Variants in ERICH3 observed in about 807,000 individuals in gnomAD.
ERICH3 encodes glutamate rich 3, also known as glutamate-rich protein 3.
In ERICH3, 126 loss-of-function variants were observed where a neutral mutation model predicts 131.1. The ratio of observed to expected loss-of-function variants is 0.96; its 90% CI spans 0.83 to 1.11. The LOEUF is 1.11. Among genes scored for constraint, ERICH3 ranks in the 50% most tolerant of loss-of-function variants. The pLI is 0.00. For missense variants in ERICH3, 2,050 were observed against 1,810.7 expected (o/e 1.13, Z -2.40); for synonymous variants, 695 against 644.6 (o/e 1.08, Z -1.18).
chr1:74,588,782 A>G (rs1476123935), intron 12 of ERICH3, among the ~76,000 whole-genome samples: 1 of 152,068 alleles, frequency 6.6e-6, no homozygotes, highest in Non-Finnish European at 1.5e-5. Context: ...TCAACTTGAG[A>G]AAAGCATCAG....
intron 8 of ERICH3, among the ~76,000 whole-genome samples, chr1:74,614,554 G>A (rs950272463): frequency 1.3e-5 from 2 of 151,390 alleles, no homozygotes; most frequent in African/African-American, 4.9e-5. Flanking sequence ...GCGGGCACCT[G>A]TATTCCCAGC....
intron 1 of ERICH3, among the ~76,000 whole-genome samples, chr1:74,656,687 C>T (rs1250886973): frequency 6.6e-6 from 1 of 152,154 alleles, no homozygotes; most frequent in Non-Finnish European, 1.5e-5. Flanking sequence ...TAGAAATTCA[C>T]ATGTGAAAAT....
intron 7 of ERICH3, chr1:74,626,110 TC>T (rs1461749936): frequency 1.3e-5 from 2 of 152,220 alleles, no homozygotes; most frequent in Non-Finnish European, 2.9e-5. Context: ...TTCATGTTTC[TC>T]TTTATCTTTT....
At position 74,589,801 on chromosome 1, in the gene ERICH3, AG is replaced by A; in HGVS notation, c.2005del (p.Glu671LysfsTer42). On this transcript the variant is annotated frameshift_variant, in exon 12 of 15. Coordinates refer to ENST00000326665, the MANE Select transcript of ERICH3 (RefSeq NM_001002912.5). LOFTEE classifies it high-confidence loss of function. ...MPIDESFENV[L>X]KEGTEKGTQE... ...GGTTCCTTTCTCCGTTCCTTCTTTAAGAACATTCTCAAAGCTTTCGTCTATT... is the reference window on the plus strand; with the variant it reads ...GGTTCCTTTCTCCGTTCCTTCTTTAAAACATTCTCAAAGCTTTCGTCTATT... 6.2e-7 allele frequency: 1 copy of A among 1,614,116 alleles called. No homozygotes were observed. Among genetic ancestry groups the A allele is most frequent in the Non-Finnish European group, 8.5e-7 (1 of 1,179,984 alleles).
intron 7 of ERICH3, 21 bp downstream of exon 7, chr1:74,631,692 A>T: frequency 6.3e-7 from 1 of 1,578,038 alleles, no homozygotes; most frequent in African/African-American, 1.3e-5. Flanking sequence ...TTAATAAAAG[A>T]AAAATTTGTT....
intron 1 of ERICH3, among the ~76,000 whole-genome samples, chr1:74,659,763 G>A (rs1274604746): frequency 6.6e-6 from 1 of 152,116 alleles, no homozygotes; most frequent in African/African-American, 2.4e-5. Flanking sequence ...TACAAGAAGG[G>A]TATCCAAGAA....
intron 12 of ERICH3, among the ~76,000 whole-genome samples, chr1:74,577,788 G>GA (rs956742899): frequency 1.3e-5 from 2 of 151,976 alleles, no homozygotes; most frequent in Non-Finnish European, 2.9e-5. Context: ...TGAAATAATT[G>GA]AAAAAAACAG....
chr1:74,629,757 G>A (rs1570890715), intron 7 of ERICH3, among the ~76,000 whole-genome samples: 1 of 152,254 alleles, frequency 6.6e-6, no homozygotes, highest in East Asian at 1.9e-4. Context: ...GTGACCCAAA[G>A]ATTCTATTCA....
intron 1 of ERICH3, among the ~76,000 whole-genome samples, chr1:74,670,434 TCA>T (rs1646730518): frequency 6.6e-6 from 1 of 152,160 alleles, no homozygotes; most frequent in African/African-American, 2.4e-5. Flanking sequence ...TAGAAACTTC[TCA>T]GTCCTTGTTG....
At position 74,651,962 on chromosome 1, in the gene ERICH3, C is replaced by T. The variant is rs145717702; in HGVS notation, c.24-2647G>A. ...AATGTGTGCACGATGCCTGTCCAGG[C>T]TTACAAATCGTCAAGCAGGTCCAGT... On this transcript the variant is annotated intron_variant, in intron 1 of 14. Coordinates refer to ENST00000326665, the MANE Select transcript of ERICH3 (RefSeq NM_001002912.5). Among the ~76,000 whole-genome samples the T allele has an allele frequency of 3.3e-5, 5 of 152,238 alleles. No individual in the cohort carries two copies. The East Asian group carries it at 9.7e-4, about 29-fold the overall frequency.
At chr1:74,600,879 G>A (rs1648098134) in intron 10 of ERICH3, among the ~76,000 whole-genome samples, 3 of 151,650 alleles carry the variant, frequency 2.0e-5, no homozygotes, top group Admixed American at 2.0e-4. Flanking sequence ...GTGTGTTTTA[G>A]TTATTAGCTA....
chr1:74,608,191 T>C (rs1318621184), intron 9 of ERICH3, among the ~76,000 whole-genome samples: 1 of 152,006 alleles, frequency 6.6e-6, no homozygotes, highest in Non-Finnish European at 1.5e-5. Context: ...TGTTACACTT[T>C]GAGCTTATCA....
intron 6 of ERICH3, among the ~76,000 whole-genome samples, chr1:74,632,221 A>G (rs1223133570): frequency 6.6e-6 from 1 of 152,088 alleles, no homozygotes; most frequent in African/African-American, 2.4e-5. Flanking sequence ...CAACTAAACA[A>G]TTTAAAATCA....
intron 13 of ERICH3, among the ~76,000 whole-genome samples, chr1:74,575,211 T>A (rs4082886): frequency 0.31 from 46,734 of 152,170 alleles, 8,361 homozygotes; most frequent in East Asian, 0.58. Flanking sequence ...TATCGTTTGT[T>A]GCATTTCCTC....
chr1:74,576,489 G>A (rs543628638), intron 13 of ERICH3, among the ~76,000 whole-genome samples: 28 of 152,232 alleles, frequency 1.8e-4, no homozygotes, highest in African/African-American at 6.0e-4. Context: ...GAGAAATGGA[G>A]CTCAGGGAAC....
chr1:74,608,242 A>T (rs1201387692), intron 9 of ERICH3, among the ~76,000 whole-genome samples: 1 of 152,008 alleles, frequency 6.6e-6, no homozygotes, highest in Non-Finnish European at 1.5e-5. Context: ...ACACTAATAC[A>T]ATCTGGAGAA....
intron 6 of ERICH3, 39 bp from the exon 7 acceptor site, chr1:74,631,967 G>A: frequency 6.4e-7 from 1 of 1,561,304 alleles, no homozygotes; most frequent in Non-Finnish European, 8.8e-7. Flanking sequence ...CAGTGAAACA[G>A]AATCAGTGAC....
intron 12 of ERICH3, among the ~76,000 whole-genome samples, chr1:74,581,746 T>C (rs1221405724): frequency 6.6e-6 from 1 of 152,154 alleles, no homozygotes; most frequent in East Asian, 1.9e-4. Context: ...AGGACTGATG[T>C]TTATATTTAT....
Position 74,590,005 on chromosome 1 carries a change from C to T in ERICH3, c.1802G>A (p.Gly601Glu). The T allele has an allele frequency of 1.2e-6, 2 of 1,613,874 alleles. No individual in the cohort carries two copies. The highest frequency in any genetic ancestry group is 1.7e-4 in the Middle Eastern group (1 of 6,060). The change falls in exon 12 of 15, where the codon GGG becomes GAG. Residue 601 changes from glycine (G) to glutamate (E), a missense_variant. Transcript: ENST00000326665. ...GCTGTCAGTGTGGGCTTCCCTGTCC[C>T]CCACTGCAGATTCATCCTCACTGTC... Reference protein sequence around the residue: ...SSDSEDESAVGDREAHTDSST... With the variant: ...SSDSEDESAVEDREAHTDSST...
Sources: allele counts gnomAD v4.1 joint callset (sites outside exome capture counted in the v4.1 genomes callset), GRCh38; gene constraint gnomAD v4.1.1; transcripts MANE v1.5; gene names NCBI Gene and HGNC (gene_info 2026-07-23, HGNC 2026-07-21).